LINGO2: variants seen among roughly 807,000 people sequenced by gnomAD.
LINGO2 encodes the protein leucine-rich repeat and immunoglobulin-like domain-containing nogo receptor-interacting protein 2.
LINGO2 carries 14 observed loss-of-function variants against 30.6 expected under a neutral mutation model. That is an observed-to-expected ratio of 0.46 (90% confidence interval 0.30 to 0.72). The LOEUF (loss-of-function observed/expected upper bound fraction) is 0.72, where lower values mean the gene tolerates loss of function less well. Among genes scored for constraint, LINGO2 ranks in the 30% least tolerant of loss-of-function variants. LINGO2 has a pLI of 0.07. For synonymous variants in LINGO2, 317 were observed against 288.5 expected (o/e 1.10, Z -1.00); for missense variants, 729 against 751.7 (o/e 0.97, Z 0.35).
rs143949840 is a variant in LINGO2, at chr9:28,235,318, G to A, written c.-87+59890C>T. Among the ~76,000 whole-genome samples the A allele has an allele frequency of 3.3e-3, 505 of 152,316 alleles. 6 individuals carry two copies. The highest frequency in any genetic ancestry group is 0.012 in the African/African-American group (486 of 41,578). On this transcript the variant is annotated intron_variant, in intron 4 of 5. Coordinates refer to ENST00000379992, the Ensembl canonical transcript of LINGO2. Reference sequence around the variant, plus strand: ...GTCTGTAAAAACCACAGTATTATTTGTTTTGAAGCCAAAGTCCCTTTGAAT... The same window carrying A: ...GTCTGTAAAAACCACAGTATTATTTATTTTGAAGCCAAAGTCCCTTTGAAT...
the LINGO2 span, among the ~76,000 whole-genome samples, chr9:28,990,465 A>T: frequency 6.6e-6 from 1 of 152,202 alleles, no homozygotes; most frequent in Non-Finnish European, 1.5e-5. Context: ...ACCTCTGCAG[A>T]CTTAAATGTC....
chr9:28,406,610 A>G (rs1822525372), intron 2 of LINGO2, among the ~76,000 whole-genome samples: 1 of 151,914 alleles, frequency 6.6e-6, no homozygotes, highest in Non-Finnish European at 1.5e-5. Context: ...GGTGAAAACA[A>G]CTCTCCCTAC....
At chr9:29,013,826 AC>A in the LINGO2 span, among the ~76,000 whole-genome samples, 4 of 152,312 alleles carry the variant, frequency 2.6e-5, no homozygotes, top group East Asian at 7.7e-4. Flanking sequence ...ATAGACAAGT[AC>A]TATAACACAA....
chr9:28,286,740 A>G (rs567621996), intron 4 of LINGO2, among the ~76,000 whole-genome samples: 3 of 152,274 alleles, frequency 2.0e-5, no homozygotes, highest in East Asian at 1.9e-4. Context: ...GTTCTCACTT[A>G]TAAGTGGGAG....
chr9:28,667,690 G>T (rs532224907), intron 1 of LINGO2, among the ~76,000 whole-genome samples: 2 of 152,302 alleles, frequency 1.3e-5, no homozygotes, highest in South Asian at 4.1e-4. Context: ...GTTGCAGTGA[G>T]CCGAGATTGT....
At chr9:28,625,019 T>C (rs1826596084) in intron 1 of LINGO2, among the ~76,000 whole-genome samples, 1 of 151,950 alleles carries the variant, frequency 6.6e-6, no homozygotes, top group Non-Finnish European at 1.5e-5. Flanking sequence ...CCTAGTCCCC[T>C]GGCTCGAAGA....
chr9:28,405,615 T>C (rs1004602167), intron 2 of LINGO2, among the ~76,000 whole-genome samples: 8 of 152,212 alleles, frequency 5.3e-5, no homozygotes, highest in African/African-American at 1.9e-4. Context: ...ATACACATTC[T>C]AGAAGTAAAA....
chr9:28,974,853 A>G, the LINGO2 span, among the ~76,000 whole-genome samples: 11 of 152,066 alleles, frequency 7.2e-5, no homozygotes, highest in African/African-American at 1.9e-4. Flanking sequence ...CTGACTCAAA[A>G]TTAAGACATT....
At chr9:29,174,844 G>C in the LINGO2 span, among the ~76,000 whole-genome samples, 1 of 152,154 alleles carries the variant, frequency 6.6e-6, no homozygotes, top group Non-Finnish European at 1.5e-5. Context: ...AGAAAAATTT[G>C]TTGGATAACT....
At chr9:28,883,628 G>GTGTGTATGTATATACA in the LINGO2 span, among the ~76,000 whole-genome samples, 1 of 64,180 alleles carries the variant, frequency 1.6e-5, no homozygotes, top group Non-Finnish European at 3.0e-5. Context: ...ATGTGTGTGT[G>GTGTGTATGTATATACA]TATATATATA....
the LINGO2 span, among the ~76,000 whole-genome samples, chr9:29,114,777 C>A: frequency 1.2e-4 from 18 of 149,936 alleles, no homozygotes; most frequent in African/African-American, 4.4e-4. Context: ...TGTATATGTG[C>A]CATATTTTTT....
At chr9:29,078,649 C>T in the LINGO2 span, among the ~76,000 whole-genome samples, 375 of 152,004 alleles carry the variant, frequency 2.5e-3, 1 homozygote, top group African/African-American at 8.4e-3. Flanking sequence ...TTCGGATATA[C>T]GTACACATAT....
chr9:28,450,313 A>T (rs1409415965), intron 2 of LINGO2, among the ~76,000 whole-genome samples: 1 of 152,034 alleles, frequency 6.6e-6, no homozygotes, highest in Non-Finnish European at 1.5e-5. Context: ...AACTTCCTAG[A>T]TGAATCCTCT....
chr9:27,983,491 C>A lies in LINGO2; in HGVS notation c.-36+28864G>T, dbSNP rs75600014. 6.9e-3 allele frequency among the ~76,000 whole-genome samples: 1,056 copies of A among 151,970 alleles called. 16 individuals are homozygous for A. Among genetic ancestry groups the A allele is most frequent in the Admixed American group, 0.041 (623 of 15,236 alleles). On this transcript the variant is annotated intron_variant, in intron 5 of 5. Coordinates refer to ENST00000379992, the Ensembl canonical transcript of LINGO2. The stretch of plus-strand genomic sequence containing the variant: ...ATTGAATTCCTACCATGTACCAGGA[C>A]CCTGTTGGTAGGTACCAGAGATGCA...
chr9:28,297,198 T>TA (rs550841443), intron 3 of LINGO2, among the ~76,000 whole-genome samples: 29 of 152,272 alleles, frequency 1.9e-4, no homozygotes, highest in African/African-American at 5.5e-4. Flanking sequence ...CCACTTATTA[T>TA]AAAAAAAGTG....
At chr9:28,596,386 A>G (rs1001545443) in intron 1 of LINGO2, among the ~76,000 whole-genome samples, 1 of 152,180 alleles carries the variant, frequency 6.6e-6, no homozygotes, top group African/African-American at 2.4e-5. Flanking sequence ...TGTAAATAAA[A>G]TAAGTGTTCA....
At chr9:28,152,327 T>G (rs751709518) in intron 4 of LINGO2, among the ~76,000 whole-genome samples, 13 of 152,094 alleles carry the variant, frequency 8.5e-5, no homozygotes, top group Non-Finnish European at 1.8e-4. Context: ...CTTGCTTTCT[T>G]TCTCGCCATG....
chr9:28,564,836 A>G (rs752798780), intron 1 of LINGO2, among the ~76,000 whole-genome samples: 14 of 152,248 alleles, frequency 9.2e-5, no homozygotes, highest in Non-Finnish European at 1.6e-4. Context: ...CGAGTCTTCA[A>G]TAGTCACTTG....
At chr9:28,075,600 A>G in intron 4 of LINGO2, among the ~76,000 whole-genome samples, 1 of 152,100 alleles carries the variant, frequency 6.6e-6, no homozygotes, top group East Asian at 1.9e-4. Flanking sequence ...CCAATGTTGT[A>G]TGTATAAGAC....
Sources: allele counts gnomAD v4.1 joint callset (sites outside exome capture counted in the v4.1 genomes callset), GRCh38; gene constraint gnomAD v4.1.1; transcripts MANE v1.5; gene names NCBI Gene and HGNC (gene_info 2026-07-23, HGNC 2026-07-21).